Variants in SCRIB observed in about 807,000 individuals in gnomAD.
The protein encoded by SCRIB is scribble planar cell polarity protein.
Under a neutral mutation model 170.0 loss-of-function variants are expected in SCRIB, and 72 were observed. That is an observed-to-expected ratio of 0.42 (90% CI 0.35 to 0.52). The LOEUF (loss-of-function observed/expected upper bound fraction) is 0.52. Ranked by LOEUF, SCRIB falls within the 20% of genes least tolerant of loss-of-function variation. The pLI, the probability that SCRIB is intolerant of heterozygous loss-of-function variation, is 0.02. For missense variants in SCRIB, 2,475 were observed against 2,338.5 expected (o/e 1.06, Z -1.20); for synonymous variants, 1,298 against 1,044.3 (o/e 1.24, Z -4.68).
At chr8:143,811,427 A>G in intron 9 of SCRIB, 82 bp from the exon 10 acceptor site, 1 of 1,287,192 alleles carries the variant, frequency 7.8e-7, no homozygotes, top group Non-Finnish European at 1.1e-6. Flanking sequence ...AGGAGGGCAC[A>G]GACACCCCAG....
At chr8:143,804,218 G>T in intron 21 of SCRIB, 62 bp from the exon 22 acceptor site, 1 of 1,253,734 alleles carries the variant, frequency 8.0e-7, no homozygotes, top group Non-Finnish European at 1.1e-6. Flanking sequence ...GTGTGGGAGG[G>T]CTCCCAAGAG....
At chr8:143,806,870 A>G (rs1815448750) in intron 17 of SCRIB, 54 bp downstream of exon 17, 2 of 1,258,578 alleles carry the variant, frequency 1.6e-6, no homozygotes, top group Admixed American at 2.0e-5. Flanking sequence ...ATCAGTGTGA[A>G]CTGTGGTGGG....
At chr8:143,791,472 G>A in intron 35 of SCRIB, 32 bp from the exon 36 acceptor site, 3 of 1,604,754 alleles carry the variant, frequency 1.9e-6, no homozygotes, top group South Asian at 1.1e-5. Context: ...TCAGGCCGGT[G>A]CCAGCCCTGC....
intron 32 of SCRIB, 34 bp downstream of exon 32, chr8:143,792,186 C>A: frequency 2.6e-6 from 4 of 1,553,808 alleles, no homozygotes; most frequent in Non-Finnish European, 3.5e-6. Context: ...GGACAGGCAG[C>A]AGGGCGGGGT....
chr8:143,797,442 GC>G lies in SCRIB; in HGVS notation c.3604-1913del, dbSNP rs1462446204. On this transcript the variant is annotated intron_variant, in intron 24 of 36. Coordinates refer to ENST00000356994, the MANE Select transcript of SCRIB (RefSeq NM_182706.5). ...CAGGAATGTCGCCAACCACCTCGGG[GC>G]CCGCTCAGAACCATCAAGGTGCTGA... Among the ~76,000 whole-genome samples, 4 of 152,146 alleles carry G rather than the reference GC, an allele frequency of 2.6e-5. No individual in the cohort carries two copies. The East Asian group carries it at 7.7e-4, about 29-fold the overall frequency.
rs782054427 is a variant in SCRIB, at chr8:143,795,103, G to A, written c.3781C>T (p.Leu1261=). 3.1e-6 allele frequency: 5 copies of A among 1,611,218 alleles called. No individual in the cohort carries two copies. The highest frequency in any genetic ancestry group is 1.3e-5 in the African/African-American group (1 of 75,018). The change falls in exon 27 of 37, where the codon CTG becomes TTG. Residue 1261 remains leucine (L), a synonymous_variant. Coordinates refer to ENST00000356994, the MANE Select transcript of SCRIB (RefSeq NM_182706.5). ...PEATEAAGRG[L]QPLKLDYRAL... ...CGGTAGTCCAGCTTCAGGGGCTGCA[G>A]ACCCCGACCCTGGGGGCAGAGTGAA...
chr8:143,794,901 C>T, intron 27 of SCRIB, 137 bp downstream of exon 27: 1 of 731,644 alleles, frequency 1.4e-6, no homozygotes, highest in Non-Finnish European at 2.3e-6. Context: ...GGGTAGCCTG[C>T]AGGTCAGACG....
intron 24 of SCRIB, among the ~76,000 whole-genome samples, chr8:143,800,852 C>T (rs1481686863): frequency 1.3e-5 from 2 of 152,260 alleles, no homozygotes; most frequent in East Asian, 1.9e-4. Context: ...CCAGCCTGGG[C>T]GACAGAGCGA....
chr8:143,793,928 T>G lies in SCRIB; in HGVS notation c.3881A>C (p.Glu1294Ala), dbSNP rs1554633568. ...CTGGCCACTAGGGGAGCAGGGAGAT[T>G]CAGCCATCTTCCCTCCAGCTGCTCC... The part of the protein sequence containing the change: ...PSGAAGGKMA[E>A]SPCSPSGQQP... Residue 1294 changes from glutamate to alanine, a missense_variant, in exon 28 of 37, where the codon GAA (glutamate) becomes GCA (alanine). Coordinates refer to ENST00000356994, the MANE Select transcript of SCRIB (RefSeq NM_182706.5). 1 of 1,613,492 alleles carries G rather than the reference T, an allele frequency of 6.2e-7. No homozygotes were observed. The highest frequency in any genetic ancestry group is 2.2e-5 in the East Asian group (1 of 44,862).
At position 143,795,465 on chromosome 8, in the gene SCRIB, G is replaced by A. The variant is rs1554633911; in HGVS notation, c.3669C>T (p.Ser1223=). Residue 1223 remains serine, a synonymous_variant, in exon 25 of 37, where the codon AGC becomes AGT. Coordinates refer to ENST00000356994, the MANE Select transcript of SCRIB (RefSeq NM_182706.5). ...TCAGCTCCCGGTCGATGGAAGAGAT[G>A]CTCTCCAGGCTGTTCCGGTGGCCGA... The part of the protein sequence containing the change: ...AGIGHRNSLE[S]ISSIDRELSP... The A allele has an allele frequency of 5.6e-6, 9 of 1,613,296 alleles. No individual in the cohort carries two copies. In the East Asian group the frequency reaches 2.0e-4, roughly 36 times the overall value.
chr8:143,797,431 A>G (rs1417601615), intron 24 of SCRIB, among the ~76,000 whole-genome samples: 2 of 152,200 alleles, frequency 1.3e-5, no homozygotes, highest in African/African-American at 2.4e-5. Flanking sequence ...AATGTCGCCA[A>G]CCACCTCGGG....
intron 15 of SCRIB, 61 bp from the exon 16 acceptor site, chr8:143,807,675 C>T: frequency 7.9e-7 from 1 of 1,270,076 alleles, no homozygotes; most frequent in Non-Finnish European, 1.1e-6. Context: ...CCACCACCGC[C>T]TCACCCAGCC....
At chr8:143,806,625 G>C in intron 17 of SCRIB, 141 bp from the exon 18 acceptor site, 1 of 706,208 alleles carries the variant, frequency 1.4e-6, no homozygotes. Flanking sequence ...TCTAGCCACT[G>C]TGGGATCCTG....
chr8:143,794,217 T>G (rs1469460925), intron 27 of SCRIB: 1 of 503,414 alleles, frequency 2.0e-6, no homozygotes, highest in Non-Finnish European at 3.6e-6. Flanking sequence ...GCAGGAGAGA[T>G]GGGAGCAGAC....
chr8:143,813,258 C>T, intron 6 of SCRIB, 53 bp downstream of exon 6: 2 of 1,609,412 alleles, frequency 1.2e-6, no homozygotes, highest in Non-Finnish European at 1.7e-6. Context: ...CCTTCTTTGC[C>T]CTTGCTTCCG....
At position 143,803,879 on chromosome 8, in the gene SCRIB, A is replaced by G; in HGVS notation, c.3182T>C (p.Val1061Ala). The G allele has an allele frequency of 5.0e-6, 8 of 1,597,996 alleles. No individual in the cohort carries two copies. The highest frequency in any genetic ancestry group is 6.8e-6 in the Non-Finnish European group (8 of 1,173,030). ...GLRVGDRILA[V>A]NGQDVRDATH... is the part of the protein sequence containing the mutation. ...GGCATCCCGCACGTCTTGCCCGTTC[A>G]CTGCCAGGATGCGGTCCCCAACCCG... The change falls in exon 23 of 37, where the codon GTG becomes GCG. Residue 1061 changes from valine (V) to alanine (A), a missense_variant. Transcript: ENST00000356994.
chr8:143,792,587 T>G lies in SCRIB; in HGVS notation c.4226A>C (p.Glu1409Ala), dbSNP rs546032588. The G allele has an allele frequency of 1.5e-5, 23 of 1,585,836 alleles. No homozygotes were observed. Among genetic ancestry groups the G allele is most frequent in the Non-Finnish European group, 1.8e-5 (21 of 1,173,434 alleles). The change falls in exon 31 of 37, where the codon GAG (glutamate) becomes GCG (alanine). Residue 1409 changes from glutamate (E) to alanine (A), a missense_variant. Glu to Ala is a moderately radical substitution (Grantham distance 107). Transcript: ENST00000356994. Reference protein sequence around the residue: ...KRAQMLREAAEAGAEARLALD... With the variant: ...KRAQMLREAAAAGAEARLALD... Reference sequence around the variant, plus strand: ...GGCGAGCCTCGCTTCGGCCCCAGCCTCTGCCGCCTCCCGCAGCATCTGCGC... The same window carrying G: ...GGCGAGCCTCGCTTCGGCCCCAGCCGCTGCCGCCTCCCGCAGCATCTGCGC...
At chr8:143,815,149 C>T in intron 1 of SCRIB, 65 bp downstream of exon 1, 1 of 1,436,594 alleles carries the variant, frequency 7.0e-7, no homozygotes, top group Non-Finnish European at 9.1e-7. Flanking sequence ...CGGGCAGATT[C>T]TGCCGCCGGA....
chr8:143,814,146 T>C, intron 1 of SCRIB, 28 bp from the exon 2 acceptor site: 2 of 1,522,070 alleles, frequency 1.3e-6, no homozygotes, highest in Non-Finnish European at 1.8e-6. Flanking sequence ...ACGGACTCTG[T>C]GGCAGAGACC....
Sources: allele counts gnomAD v4.1 joint callset (sites outside exome capture counted in the v4.1 genomes callset), GRCh38; gene constraint gnomAD v4.1.1; transcripts MANE v1.5; gene names NCBI Gene and HGNC (gene_info 2026-07-23, HGNC 2026-07-21).